The following SLC36A1 variants were observed in gnomAD, a reference collection of about 807,000 sequenced individuals.
The protein encoded by SLC36A1 is proton-coupled amino acid transporter 1.
Under a neutral mutation model 47.5 loss-of-function variants are expected in SLC36A1, and 30 were observed. The observed-to-expected ratio is 0.63, with a 90% CI of 0.47 to 0.86. The LOEUF (loss-of-function observed/expected upper bound fraction) is 0.86. Among genes scored for constraint, SLC36A1 ranks in the 40% least tolerant of loss-of-function variants. The pLI is 0.00. For missense variants in SLC36A1, 517 were observed against 606.0 expected (o/e 0.85, Z 1.54); for synonymous variants, 255 against 249.7 (o/e 1.02, Z -0.20).
At chr5:151,382,404 A>AG in the SLC36A1 span, 1 of 673,272 alleles carries the variant, frequency 1.5e-6, no homozygotes, top group Non-Finnish European at 2.7e-6. Flanking sequence ...CCCTGACTCC[A>AG]GGCAAGCTCC....
At chr5:151,505,502 C>G in the SLC36A1 span, 8 of 1,597,726 alleles carry the variant, frequency 5.0e-6, no homozygotes, top group Non-Finnish European at 6.8e-6. Flanking sequence ...CCCTACGAGA[C>G]AGGAAGAAAT....
the SLC36A1 span, chr5:151,527,902 A>G: frequency 2.0e-6 from 3 of 1,494,108 alleles, no homozygotes; most frequent in African/African-American, 1.4e-5. Flanking sequence ...AAGTTTCAGG[A>G]TGGGGTCTTG....
chr5:151,553,124 G>T, the SLC36A1 span: 1 of 1,545,566 alleles, frequency 6.5e-7, no homozygotes, highest in East Asian at 2.3e-5. Flanking sequence ...ACTAGAGCTG[G>T]TGTATAAGGA....
At chr5:151,555,523 C>G in the SLC36A1 span, among the ~76,000 whole-genome samples, 1 of 152,078 alleles carries the variant, frequency 6.6e-6, no homozygotes, top group South Asian at 2.1e-4. Flanking sequence ...GCACCCGCCA[C>G]CACACCTGGC....
the SLC36A1 span, among the ~76,000 whole-genome samples, chr5:151,387,973 C>A: frequency 6.6e-6 from 1 of 152,230 alleles, no homozygotes; most frequent in South Asian, 2.1e-4. Flanking sequence ...GCAAGGAGAT[C>A]AAAATATCGT....
At chr5:151,498,678 C>A in the SLC36A1 span, among the ~76,000 whole-genome samples, 2 of 152,230 alleles carry the variant, frequency 1.3e-5, no homozygotes, top group South Asian at 2.1e-4. Flanking sequence ...CCATAAGTCA[C>A]TCCCAGCTGT....
chr5:151,530,049 A>G, the SLC36A1 span, among the ~76,000 whole-genome samples: 1 of 152,334 alleles, frequency 6.6e-6, no homozygotes, highest in African/African-American at 2.4e-5. Flanking sequence ...GAGGAGTAAT[A>G]GGATTAGAAA....
downstream of SLC36A1, chr5:151,492,527 C>T (rs563687329): frequency 6.6e-5 from 10 of 151,836 alleles, no homozygotes; most frequent in South Asian, 1.5e-3. Context: ...AATTAAGAGT[C>T]GCCCAAGAAG....
chr5:151,422,918 G>A, the SLC36A1 span, among the ~76,000 whole-genome samples: 4 of 151,868 alleles, frequency 2.6e-5, no homozygotes, highest in East Asian at 1.9e-4. Flanking sequence ...CTCCATTCTG[G>A]GCAACAGAGT....
chr5:151,541,781 CT>C, the SLC36A1 span, among the ~76,000 whole-genome samples: 5 of 152,212 alleles, frequency 3.3e-5, no homozygotes, highest in Non-Finnish European at 7.3e-5. Context: ...CCATCTGGGC[CT>C]TGGTTTCCAC....
the SLC36A1 span, among the ~76,000 whole-genome samples, chr5:151,383,571 A>AT: frequency 0.2 from 26,242 of 132,134 alleles, 3,284 homozygotes; most frequent in East Asian, 0.39. Context: ...TTTAACTTAA[A>AT]TTTTTTTTTT....
chr5:151,522,785 C>T, the SLC36A1 span, among the ~76,000 whole-genome samples: 7 of 152,000 alleles, frequency 4.6e-5, no homozygotes, highest in Admixed American at 3.3e-4. Context: ...GGAATGAAGG[C>T]GGTGTGTTCA....
chr5:151,392,177 A>T, the SLC36A1 span, among the ~76,000 whole-genome samples: 1 of 152,118 alleles, frequency 6.6e-6, no homozygotes, highest in Non-Finnish European at 1.5e-5. Flanking sequence ...TAGATTTTCT[A>T]GTTTATTTGC....
the SLC36A1 span, chr5:151,406,616 A>C: frequency 6.6e-6 from 1 of 152,258 alleles, no homozygotes; most frequent in Admixed American, 6.5e-5. Context: ...GGACTTGAGA[A>C]AACCCAGTGG....
rs1408801625 is a variant in SLC36A1 at position 151,490,347 on chromosome 5, G to C, written c.*2093G>C. 6.6e-6 allele frequency: 1 copy of C among 152,290 alleles called. No individual in the cohort carries two copies. The highest frequency in any genetic ancestry group is 1.5e-5 in the Non-Finnish European group (1 of 68,128). 9.4% of individuals were successfully genotyped at this position (152,290 alleles called of 1,614,324 possible). A position where few individuals can be genotyped will look rare whatever the true frequency, so the allele number is the denominator to read the frequency against. ...CTCTGGCAGCCCAGCCGCTATCTTA[G>C]CTGTCTTTCCCAGCGGTGCTAAGAG... On this transcript the variant is annotated 3_prime_UTR_variant, in exon 11 of 11. Coordinates refer to ENST00000243389, the MANE Select transcript of SLC36A1 (RefSeq NM_078483.4).
intron 9 of SLC36A1, among the ~76,000 whole-genome samples, chr5:151,478,122 T>G (rs1203482694): frequency 3.3e-5 from 5 of 152,372 alleles, no homozygotes; most frequent in African/African-American, 1.2e-4. Context: ...TTTACAAGGT[T>G]GTTCTCCTGC....
the SLC36A1 span, among the ~76,000 whole-genome samples, chr5:151,427,323 G>C: frequency 0.29 from 44,670 of 152,092 alleles, 7,750 homozygotes; most frequent in African/African-American, 0.49. Context: ...TAGTGAGTGG[G>C]TCAAGGGTAA....
At chr5:151,533,393 AACACACACACACACACACACAC>A in the SLC36A1 span, among the ~76,000 whole-genome samples, 1 of 132,114 alleles carries the variant, frequency 7.6e-6, no homozygotes, top group East Asian at 2.3e-4. Context: ...TGTTATCTCC[AACACACACACACACACACACAC>A]ACACACACAC....
At chr5:151,536,672 A>G in the SLC36A1 span, among the ~76,000 whole-genome samples, 1 of 152,230 alleles carries the variant, frequency 6.6e-6, no homozygotes, top group East Asian at 1.9e-4. Context: ...AGTAACAATG[A>G]TAATGGCAAC....
Sources: gnomAD v4.1 joint callset for allele counts (sites outside exome capture counted in the v4.1 genomes callset) on GRCh38, gnomAD v4.1.1 for gene constraint, MANE v1.5 for transcripts, NCBI Gene and HGNC (gene_info 2026-07-23, HGNC 2026-07-21) for gene names.